STAU2: variants seen among roughly 807,000 people sequenced by gnomAD.
The protein encoded by STAU2 is double-stranded RNA-binding protein Staufen homolog 2.
In STAU2, 20 loss-of-function variants were observed where a neutral mutation model predicts 65.9. The observed-to-expected ratio is 0.30, with a 90% CI of 0.21 to 0.44. The LOEUF (loss-of-function observed/expected upper bound fraction) is 0.44, where lower values mean the gene tolerates loss of function less well. STAU2 is among the 20% of genes least tolerant of loss of function. STAU2 has a pLI of 1.00. For missense variants in STAU2, 558 were observed against 683.9 expected, an observed-to-expected ratio of 0.82 and a Z score of 2.05; for synonymous variants, 232 against 233.9, an observed-to-expected ratio of 0.99 and a Z score of 0.07.
At chr8:73,627,130 C>T (rs185566895) in intron 6 of STAU2, among the ~76,000 whole-genome samples, 256 of 148,612 alleles carry the variant, frequency 1.7e-3, no homozygotes, top group Admixed American at 6.1e-3. Flanking sequence ...CTGGGTGCTG[C>T]AGCAGGCCTG....
chr8:73,587,536 G>A (rs766144887), intron 11 of STAU2, among the ~76,000 whole-genome samples: 3 of 152,192 alleles, frequency 2.0e-5, no homozygotes, highest in African/African-American at 4.8e-5. Flanking sequence ...TAGGGTGTAC[G>A]TTGGGAAAGG....
chr8:73,695,934 C>T (rs1819668724), intron 4 of STAU2, among the ~76,000 whole-genome samples: 1 of 152,134 alleles, frequency 6.6e-6, no homozygotes, highest in Admixed American at 6.5e-5. Context: ...CACCTGGAAC[C>T]CAGGGAAAAA....
At chr8:73,510,868 C>G (rs1027616278) in intron 13 of STAU2, among the ~76,000 whole-genome samples, 66 of 152,172 alleles carry the variant, frequency 4.3e-4, no homozygotes, top group Admixed American at 2.0e-4. Flanking sequence ...GATTTTGGTG[C>G]CAAGCCTTAT....
Position 73,422,696 on chromosome 8 carries a change from A to T in STAU2, c.1537T>A (p.Leu513Ile), listed in dbSNP as rs75740279. Residue 513 changes from leucine (L) to isoleucine (I), a missense_variant, in exon 14 of 15, where the codon TTA (leucine) becomes ATA (isoleucine). Transcript: ENST00000524300. ...TCAGAAAATTGTTTCAAGGCACTTAAGGCTGCCTAAAAATGAAAACAAACA... is the reference window on the plus strand; with the variant it reads ...TCAGAAAATTGTTTCAAGGCACTTATGGCTGCCTAAAAATGAAAACAAACA... ...LARIQGFQAA[L>I]SALKQFSEQG... 2 of 1,484,274 alleles carry T rather than the reference A, an allele frequency of 1.3e-6. No individual in the cohort carries two copies. Among genetic ancestry groups the T allele is most frequent in the Admixed American group, 4.9e-5 (2 of 40,834 alleles). The allele number at this position is 1,484,274 out of a possible 1,614,324, so 91.9% of individuals were successfully genotyped here. A position where few individuals can be genotyped will look rare whatever the true frequency, so the allele number is the denominator to read the frequency against.
chr8:73,649,034 G>T (rs1434470022), intron 6 of STAU2, among the ~76,000 whole-genome samples: 1 of 152,098 alleles, frequency 6.6e-6, no homozygotes, highest in Non-Finnish European at 1.5e-5. Context: ...TCAAACTCCT[G>T]GCCTCAAGCA....
chr8:73,688,527 T>C lies in STAU2; in HGVS notation c.274+127A>G, dbSNP rs1819110088. 6.7e-6 allele frequency: 5 copies of C among 749,762 alleles called. No homozygotes were observed. The East Asian group carries it at 8.5e-5, about 13-fold the overall frequency. 46.4% of individuals were successfully genotyped at this position (749,762 alleles called of 1,614,324 possible). A position where few individuals can be genotyped will look rare whatever the true frequency, so the allele number is the denominator to read the frequency against. On this transcript the variant is annotated intron_variant, in intron 5 of 14. Transcript: ENST00000524300. ...GTGTGTGTGTGTGTGTGTGTGTGTGTGTGTAGGTATGGGCATATGTGTACT... is the reference window on the plus strand; with the variant it reads ...GTGTGTGTGTGTGTGTGTGTGTGTGCGTGTAGGTATGGGCATATGTGTACT...
chr8:73,634,452 T>TG (rs1203418805), intron 6 of STAU2, among the ~76,000 whole-genome samples: 1 of 151,952 alleles, frequency 6.6e-6, no homozygotes, highest in Non-Finnish European at 1.5e-5. Context: ...CATTTGAACC[T>TG]GGGAGGCAGA....
At chr8:73,628,120 G>A (rs1040522821) in intron 6 of STAU2, among the ~76,000 whole-genome samples, 3 of 151,690 alleles carry the variant, frequency 2.0e-5, no homozygotes, top group African/African-American at 7.3e-5. Context: ...TGTCACCCAG[G>A]CTGGAGTGCA....
At position 73,746,673 on chromosome 8, in the gene STAU2, C is replaced by T. The variant is rs1057175361; in HGVS notation, c.-197+110G>A. 20 of 643,972 alleles carry T rather than the reference C, an allele frequency of 3.1e-5. No individual in the cohort carries two copies. The East Asian group carries it at 6.6e-4, about 21-fold the overall frequency. The allele number at this position is 643,972 out of a possible 1,614,324, so 39.9% of individuals were successfully genotyped here. ...GGAGGCCGCGAAGGGGGCTGCTTTTCTCCGGGTTCCCCGTGCTGCGGAACT... is the reference window on the plus strand; with the variant it reads ...GGAGGCCGCGAAGGGGGCTGCTTTTTTCCGGGTTCCCCGTGCTGCGGAACT... On this transcript the variant is annotated intron_variant, in intron 1 of 14. Transcript: ENST00000524300.
chr8:73,490,468 TA>T (rs1194568994), intron 13 of STAU2, among the ~76,000 whole-genome samples: 3 of 152,036 alleles, frequency 2.0e-5, no homozygotes, highest in Non-Finnish European at 4.4e-5. Flanking sequence ...AATGAACTTG[TA>T]AAACTACACT....
chr8:73,562,916 G>C (rs987810882), intron 12 of STAU2, among the ~76,000 whole-genome samples: 1 of 151,950 alleles, frequency 6.6e-6, no homozygotes, highest in African/African-American at 2.4e-5. Context: ...TTTAAGACCA[G>C]CCTGGGCAAC....
intron 12 of STAU2, among the ~76,000 whole-genome samples, chr8:73,567,507 C>T (rs535230072): frequency 2.0e-5 from 3 of 150,748 alleles, no homozygotes; most frequent in East Asian, 2.1e-4. Context: ...GATTAAAAAA[C>T]GATTAAAAAA....
At chr8:73,595,541 T>C (rs1421313278) in intron 10 of STAU2, among the ~76,000 whole-genome samples, 1 of 152,162 alleles carries the variant, frequency 6.6e-6, no homozygotes, top group Non-Finnish European at 1.5e-5. Context: ...TACTTCCATA[T>C]ATATTTATAT....
At chr8:73,719,933 A>G (rs1222541182) in intron 3 of STAU2, among the ~76,000 whole-genome samples, 2 of 152,046 alleles carry the variant, frequency 1.3e-5, no homozygotes, top group Admixed American at 6.6e-5. Flanking sequence ...CCGGACCTAG[A>G]GTTTTCTTTT....
chr8:73,471,701 C>T (rs1432176899), intron 13 of STAU2, among the ~76,000 whole-genome samples: 1 of 150,838 alleles, frequency 6.6e-6, no homozygotes, highest in Non-Finnish European at 1.5e-5. Flanking sequence ...GCCTGTAATC[C>T]TAGCTACTTG....
chr8:73,706,238 TC>T (rs1820494102), intron 4 of STAU2, among the ~76,000 whole-genome samples: 2 of 152,186 alleles, frequency 1.3e-5, no homozygotes, highest in African/African-American at 4.8e-5. Flanking sequence ...TGCCTCAGCC[TC>T]CCGAGTAGGT....
At chr8:73,459,124 A>T (rs759094800) in intron 13 of STAU2, among the ~76,000 whole-genome samples, 2 of 152,174 alleles carry the variant, frequency 1.3e-5, no homozygotes, top group Non-Finnish European at 2.9e-5. Flanking sequence ...TTTTTCTTTA[A>T]CAACTAACGG....
At chr8:73,614,286 T>C (rs1812673685) in intron 8 of STAU2, among the ~76,000 whole-genome samples, 1 of 152,202 alleles carries the variant, frequency 6.6e-6, no homozygotes, top group African/African-American at 2.4e-5. Context: ...TTAGATACCA[T>C]ATTAGATTGG....
intron 4 of STAU2, among the ~76,000 whole-genome samples, chr8:73,705,225 T>C (rs962454254): frequency 2.0e-5 from 3 of 152,152 alleles, no homozygotes; most frequent in African/African-American, 7.2e-5. Context: ...ATTACTCCAT[T>C]TACAGATAAG....
Sources: gnomAD v4.1 joint callset for allele counts (sites outside exome capture counted in the v4.1 genomes callset) on GRCh38, gnomAD v4.1.1 for gene constraint, MANE v1.5 for transcripts, NCBI Gene and HGNC (gene_info 2026-07-23, HGNC 2026-07-21) for gene names.